The following ATP2B4 variants were observed in gnomAD, a reference collection of about 807,000 sequenced individuals.
The protein encoded by ATP2B4 is ATPase plasma membrane Ca2+ transporting 4.
Under a neutral mutation model 110.3 loss-of-function variants are expected in ATP2B4, and 39 were observed. The observed-to-expected ratio is 0.35, with a 90% CI of 0.27 to 0.46. ATP2B4 has a LOEUF of 0.46. Among genes scored for constraint, ATP2B4 ranks in the 20% least tolerant of loss-of-function variants. ATP2B4 has a pLI of 1.00. For synonymous variants in ATP2B4, 538 were observed against 571.7 expected (o/e 0.94, Z 0.84); for missense variants, 1,135 against 1,530.9 (o/e 0.74, Z 4.32).
At chr1:203,716,473 AAT>A (rs1666160565) in intron 15 of ATP2B4, among the ~76,000 whole-genome samples, 1 of 145,280 alleles carries the variant, frequency 6.9e-6, no homozygotes, top group Non-Finnish European at 1.5e-5. Flanking sequence ...GCAAATGTTC[AAT>A]GTAAACCACA....
intron 19 of ATP2B4, among the ~76,000 whole-genome samples, chr1:203,724,643 A>G (rs932785132): frequency 5.3e-5 from 8 of 152,174 alleles, no homozygotes; most frequent in South Asian, 4.1e-4. Flanking sequence ...TACAAGACAC[A>G]TGTCTTTATT....
intron 2 of ATP2B4, among the ~76,000 whole-genome samples, chr1:203,691,760 G>A (rs1428794064): frequency 1.3e-5 from 2 of 152,176 alleles, no homozygotes; most frequent in African/African-American, 4.8e-5. Flanking sequence ...CTGTATACTC[G>A]GAAGAGTAGC....
At chr1:203,687,851 G>A (rs546062491) in intron 2 of ATP2B4, among the ~76,000 whole-genome samples, 2 of 152,166 alleles carry the variant, frequency 1.3e-5, no homozygotes, top group South Asian at 4.1e-4. Context: ...AAGATACTCT[G>A]TGAGACTGCT....
chr1:203,704,826 G>T (rs1158848319), intron 8 of ATP2B4, among the ~76,000 whole-genome samples: 1 of 152,034 alleles, frequency 6.6e-6, no homozygotes, highest in Non-Finnish European at 1.5e-5. Context: ...CCACCTTTCT[G>T]TTTACCACAA....
intron 1 of ATP2B4, among the ~76,000 whole-genome samples, chr1:203,661,772 T>G (rs1337775191): frequency 6.6e-6 from 1 of 152,032 alleles, no homozygotes. Flanking sequence ...AGGCTCTGTG[T>G]GGGCTCCCAG....
intron 19 of ATP2B4, among the ~76,000 whole-genome samples, chr1:203,725,024 A>G (rs541199638): frequency 1.5e-5 from 2 of 136,310 alleles, no homozygotes; most frequent in African/African-American, 5.4e-5. Context: ...ATTACAGGCA[A>G]CCACCACCGC....
At chr1:203,696,479 T>C (rs1194211863) in intron 2 of ATP2B4, among the ~76,000 whole-genome samples, 1 of 152,192 alleles carries the variant, frequency 6.6e-6, no homozygotes, top group Admixed American at 6.5e-5. Context: ...CTAACCTTTT[T>C]TCAAGACAAA....
chr1:203,698,640 AATT>A (rs935046422), intron 3 of ATP2B4, among the ~76,000 whole-genome samples: 23 of 150,114 alleles, frequency 1.5e-4, no homozygotes, highest in Non-Finnish European at 2.7e-4. Context: ...TTTATTTATT[AATT>A]ATTATTATTA....
intron 1 of ATP2B4, among the ~76,000 whole-genome samples, chr1:203,673,189 G>A (rs1244813628): frequency 1.3e-5 from 2 of 152,146 alleles, no homozygotes; most frequent in Non-Finnish European, 2.9e-5. Context: ...CCCTGTTAAG[G>A]AACTTGTTAG....
intron 1 of ATP2B4, among the ~76,000 whole-genome samples, chr1:203,649,900 TG>T (rs1365795469): frequency 6.6e-6 from 1 of 152,200 alleles, no homozygotes. Flanking sequence ...CTCGCCACTC[TG>T]GGGCCCAGGG....
At chr1:203,724,550 C>T (rs753435902) in intron 19 of ATP2B4, among the ~76,000 whole-genome samples, 6 of 151,790 alleles carry the variant, frequency 4.0e-5, no homozygotes, top group Non-Finnish European at 8.8e-5. Context: ...CCCTTAGCTT[C>T]TCTGAGACAG....
At position 203,699,716 on chromosome 1, in the gene ATP2B4, C is replaced by T. The variant is rs748137308; in HGVS notation, c.648C>T (p.Tyr216=). The change falls in exon 4 of 21, where the codon TAC becomes TAT. Residue 216 remains tyrosine, a splice_region_variant and synonymous_variant. Transcript: ENST00000357681. ...TTGGTGATATTGCCCAAGTCAAATA[C>T]GGTGAGAGCTCCGTGTTTCTTTTGC... ...IVVGDIAQVK[Y]GDLLPADGIL... 8.1e-6 allele frequency: 13 copies of T among 1,613,276 alleles called. No individual in the cohort carries two copies. The South Asian group carries it at 8.8e-5, about 11-fold the overall frequency.
At chr1:203,704,074 A>T (rs1202944386) in intron 8 of ATP2B4, among the ~76,000 whole-genome samples, 2 of 152,238 alleles carry the variant, frequency 1.3e-5, no homozygotes, top group South Asian at 2.1e-4. Context: ...AACAAAGAGC[A>T]TATATTACAG....
In ATP2B4 at chr1:203,686,685, C is replaced by CTTTTTTTTTTTTTTTTTTTTTTTT. The variant is rs779048789; in HGVS notation, c.193+3290_193+3313dup. ...CCTGGTGTTTTTCTTTCTTTTCTTT[C>CTTTTTTTTTTTTTTTTTTTTTTTT]TTTTTTTTTTTTTTTTTTTTTTTTT... On this transcript the variant is annotated intron_variant, in intron 2 of 20. Transcript: ENST00000357681. Among the ~76,000 whole-genome samples the CTTTTTTTTTTTTTTTTTTTTTTTT allele has an allele frequency of 2.3e-3, 98 of 42,768 alleles. 9 individuals carry two copies. Among genetic ancestry groups the CTTTTTTTTTTTTTTTTTTTTTTTT allele is most frequent in the East Asian group, 0.013 (6 of 462 alleles). 28.1% of individuals were successfully genotyped at this position (42,768 alleles called of 152,430 possible). A position where few individuals can be genotyped will look rare whatever the true frequency, so the allele number is the denominator to read the frequency against.
At chr1:203,707,257 G>A (rs763501067) in intron 9 of ATP2B4, 34 bp downstream of exon 9, 2 of 1,576,132 alleles carry the variant, frequency 1.3e-6, no homozygotes, top group Non-Finnish European at 1.7e-6. Context: ...CTTCCTTTAG[G>A]ATAGAGATGG....
chr1:203,695,152 A>C (rs1031447156), intron 2 of ATP2B4, among the ~76,000 whole-genome samples: 1 of 151,946 alleles, frequency 6.6e-6, no homozygotes, highest in Non-Finnish European at 1.5e-5. Context: ...AAGGGCATCT[A>C]CTCCCTTTAC....
chr1:203,701,298 G>A (rs917992587), intron 6 of ATP2B4, among the ~76,000 whole-genome samples: 1 of 152,126 alleles, frequency 6.6e-6, no homozygotes, highest in Admixed American at 6.5e-5. Flanking sequence ...GGGGTTAAAC[G>A]AACCATCAAG....
rs932140340 is a variant in ATP2B4, at chr1:203,742,777, A to G, written c.*2923A>G. 18 of 152,244 alleles carry G rather than the reference A, an allele frequency of 1.2e-4. No homozygotes were observed. Among genetic ancestry groups the G allele is most frequent in the African/African-American group, 4.3e-4 (18 of 41,456 alleles). The allele number at this position is 152,244 out of a possible 1,614,324, so 9.4% of individuals were successfully genotyped here. A position where few individuals can be genotyped will look rare whatever the true frequency, so the allele number is the denominator to read the frequency against. On this transcript the variant is annotated 3_prime_UTR_variant, in exon 21 of 21. Transcript: ENST00000357681. ...AAAAGACACGAATATCTCCTGGTCT[A>G]TAAGGATACTCTGATTTGGGGTTTG...
intron 1 of ATP2B4, among the ~76,000 whole-genome samples, chr1:203,667,564 C>G (rs375327434): frequency 6.6e-6 from 1 of 152,140 alleles, no homozygotes; most frequent in Non-Finnish European, 1.5e-5. Flanking sequence ...TTCTTCTCCT[C>G]GATATGTTTG....
Sources: gnomAD v4.1 joint callset for allele counts (sites outside exome capture counted in the v4.1 genomes callset) on GRCh38, gnomAD v4.1.1 for gene constraint, MANE v1.5 for transcripts, NCBI Gene and HGNC (gene_info 2026-07-23, HGNC 2026-07-21) for gene names.